The following CSE1L variants were observed in gnomAD, a reference collection of about 807,000 sequenced individuals.
CSE1L encodes the protein chromosome segregation 1 like.
A neutral mutation model predicts 120.4 loss-of-function variants in CSE1L; 24 were observed. The ratio of observed to expected loss-of-function variants is 0.20; its 90% CI spans 0.14 to 0.28. The LOEUF is 0.28. CSE1L is among the 10% of genes least tolerant of loss of function. The pLI, the probability that CSE1L is intolerant of heterozygous loss-of-function variation, is 1.00. For synonymous variants in CSE1L, 402 were observed against 398.3 expected, an observed-to-expected ratio of 1.01 and a Z score of -0.11; for missense variants, 830 against 1,145.2, an observed-to-expected ratio of 0.72 and a Z score of 3.97.
rs1396855156 is a variant in CSE1L at position 49,085,486 on chromosome 20, G to A, written c.1723+100G>A. The A allele has an allele frequency of 1.2e-5, 7 of 583,916 alleles. No homozygotes were observed. In the Admixed American group the frequency reaches 2.4e-4, roughly 20 times the overall value. The allele number at this position is 583,916 out of a possible 1,614,324, so 36.2% of individuals were successfully genotyped here. On this transcript the variant is annotated intron_variant, in intron 16 of 24. Coordinates refer to ENST00000262982, the MANE Select transcript of CSE1L (RefSeq NM_001316.4). Reference sequence around the variant, plus strand: ...TTCAGGTTATACAGTCTATGAACCAGATAATGTTTACCAAGTAGTAAGTTA... The same window carrying A: ...TTCAGGTTATACAGTCTATGAACCAAATAATGTTTACCAAGTAGTAAGTTA...
intron 1 of CSE1L, among the ~76,000 whole-genome samples, chr20:49,049,186 C>T (rs1003622022): frequency 6.6e-6 from 1 of 152,094 alleles, no homozygotes; most frequent in East Asian, 1.9e-4. Flanking sequence ...AGTATCACCC[C>T]CTCATTTAAA....
chr20:49,093,133 A>G (rs1001317752), intron 22 of CSE1L, among the ~76,000 whole-genome samples: 1 of 152,220 alleles, frequency 6.6e-6, no homozygotes, highest in Non-Finnish European at 1.5e-5. Flanking sequence ...TACATTGACT[A>G]AAAAATGAAT....
chr20:49,082,037 C>T (rs190363113), intron 14 of CSE1L, among the ~76,000 whole-genome samples: 30 of 152,166 alleles, frequency 2.0e-4, no homozygotes, highest in Admixed American at 5.2e-4. Context: ...GCTTTTCTTA[C>T]GCTTTCACTA....
rs567220880 is a variant in CSE1L at position 49,063,357 on chromosome 20, T to G, written c.228+13T>G. On this transcript the variant is annotated intron_variant, in intron 3 of 24. Transcript: ENST00000262982. ...GAACTGGAGAATTGTAAGTATTTTG[T>G]GAATACATAATTTAATACCCTGTAT... 4.2e-6 allele frequency: 6 copies of G among 1,428,610 alleles called. No homozygotes were observed. In the East Asian group the frequency reaches 1.5e-4, roughly 35 times the overall value. 88.5% of individuals were successfully genotyped at this position (1,428,610 alleles called of 1,614,324 possible).
chr20:49,066,078 C>G, intron 3 of CSE1L, 114 bp from the exon 4 acceptor site: 1 of 850,364 alleles, frequency 1.2e-6, no homozygotes, highest in Non-Finnish European at 1.8e-6. Context: ...AAACCTTCCT[C>G]TATTTGTTTT....
chr20:49,095,121 G>A, intron 24 of CSE1L, 158 bp downstream of exon 24: 1 of 700,142 alleles, frequency 1.4e-6, no homozygotes, highest in South Asian at 1.6e-5. Flanking sequence ...AAAACACTGA[G>A]CCCTTTTTTT....
In CSE1L at chr20:49,066,127, C is replaced by A. The variant is rs1184693341; in HGVS notation, c.229-65C>A. On this transcript the variant is annotated intron_variant, in intron 3 of 24. Coordinates refer to ENST00000262982, the MANE Select transcript of CSE1L (RefSeq NM_001316.4). ...TAAATAAAAAAACAGTTATGTTTTA[C>A]CTAAAATCATGTGGACATGAATGTG... is the stretch of plus-strand genomic sequence containing the variant. 3 of 1,326,636 alleles carry A rather than the reference C, an allele frequency of 2.3e-6. No homozygotes were observed. In the African/African-American group the frequency reaches 4.4e-5, roughly 20 times the overall value. The allele number at this position is 1,326,636 out of a possible 1,614,324, so 82.2% of individuals were successfully genotyped here.
At chr20:49,082,773 G>T (rs1470182311) in intron 14 of CSE1L, among the ~76,000 whole-genome samples, 1 of 152,028 alleles carries the variant, frequency 6.6e-6, no homozygotes, top group African/African-American at 2.4e-5. Context: ...CGCCCGCCTT[G>T]GCCTCCCAAA....
intron 14 of CSE1L, among the ~76,000 whole-genome samples, chr20:49,083,028 T>C (rs1234676932): frequency 2.0e-5 from 3 of 151,848 alleles, no homozygotes; most frequent in Non-Finnish European, 4.4e-5. Flanking sequence ...TTTTTCTTTT[T>C]TCTTTTTTTT....
In CSE1L at chr20:49,091,592, G is replaced by A. The variant is rs377577419; in HGVS notation, c.2366-454G>A. Among the ~76,000 whole-genome samples, 27 of 152,196 alleles carry A rather than the reference G, an allele frequency of 1.8e-4. No individual in the cohort carries two copies. In the South Asian group the frequency reaches 2.9e-3, roughly 16 times the overall value. ...CTACAAAACAGCCAAGCATGGTGGT[G>A]TGTGCCTGTAGCCCCAGCTACTCAG... On this transcript the variant is annotated intron_variant, in intron 21 of 24. Transcript: ENST00000262982.
At chr20:49,094,051 T>C in intron 22 of CSE1L, 89 bp from the exon 23 acceptor site, 1 of 802,436 alleles carries the variant, frequency 1.2e-6, no homozygotes, top group South Asian at 2.0e-5. Flanking sequence ...TAATTTATCA[T>C]ATTCATAAGA....
intron 1 of CSE1L, among the ~76,000 whole-genome samples, chr20:49,052,179 G>T (rs77171251): frequency 0.038 from 5,786 of 152,202 alleles, 356 homozygotes; most frequent in African/African-American, 0.13. Context: ...ATGTTTTGCT[G>T]GGTGACTGAC....
At chr20:49,053,187 CT>C (rs1411024317) in intron 1 of CSE1L, among the ~76,000 whole-genome samples, 1 of 131,094 alleles carries the variant, frequency 7.6e-6, no homozygotes, top group East Asian at 2.2e-4. Context: ...CAAAATAGAT[CT>C]GTAAATCTGC....
intron 2 of CSE1L, among the ~76,000 whole-genome samples, chr20:49,059,875 G>A (rs2091838438): frequency 1.3e-5 from 2 of 151,240 alleles, no homozygotes; most frequent in Admixed American, 1.3e-4. Flanking sequence ...GCGAGACGTA[G>A]TCCCAAAAAA....
chr20:49,064,843 A>G (rs1470682020), intron 3 of CSE1L, among the ~76,000 whole-genome samples: 1 of 150,902 alleles, frequency 6.6e-6, no homozygotes, highest in African/African-American at 2.4e-5. Context: ...ATGCATTCTA[A>G]CTAGTAATGG....
intron 3 of CSE1L, among the ~76,000 whole-genome samples, chr20:49,065,222 G>A (rs2091881590): frequency 2.0e-5 from 3 of 148,696 alleles, no homozygotes. Flanking sequence ...TTAAATTGAA[G>A]CTTTTGAGGA....
chr20:49,095,118 T>C (rs1237160270), intron 24 of CSE1L, 155 bp downstream of exon 24: 2 of 702,706 alleles, frequency 2.8e-6, no homozygotes, highest in Admixed American at 4.5e-5. Flanking sequence ...TTAAAAACAC[T>C]GAGCCCTTTT....
chr20:49,059,426 T>A (rs2091834647), intron 2 of CSE1L, among the ~76,000 whole-genome samples: 1 of 152,072 alleles, frequency 6.6e-6, no homozygotes, highest in Non-Finnish European at 1.5e-5. Flanking sequence ...ACTGGTAATA[T>A]CAGGAGAATA....
rs1437418432 is a variant in CSE1L, at chr20:49,089,527, T to TG, written c.1973-11_1973-10insG. 5.0e-6 allele frequency: 8 copies of TG among 1,613,512 alleles called. No homozygotes were observed. The highest frequency in any genetic ancestry group is 6.8e-6 in the Non-Finnish European group (8 of 1,179,548). ...TGAAGCTCACAGCTCTGTTTTTACT[T>TG]TTATCAACAGAATTTATTCCATACG... On this transcript the variant is annotated splice_polypyrimidine_tract_variant and intron_variant, in intron 18 of 24. Transcript: ENST00000262982.
Sources: allele counts gnomAD v4.1 joint callset (sites outside exome capture counted in the v4.1 genomes callset), GRCh38; gene constraint gnomAD v4.1.1; transcripts MANE v1.5; gene names NCBI Gene and HGNC (gene_info 2026-07-23, HGNC 2026-07-21).